Variants in DPYSL5 observed in about 807,000 individuals in gnomAD.
The protein encoded by DPYSL5 is dihydropyrimidinase-related protein 5.
Under a neutral mutation model 58.4 loss-of-function variants are expected in DPYSL5, and 9 were observed. The observed-to-expected ratio is 0.15, with a 90% CI of 0.09 to 0.27. DPYSL5 has a LOEUF of 0.27. Ranked by LOEUF, DPYSL5 falls within the 10% of genes least tolerant of loss-of-function variation. The pLI is 1.00. For synonymous variants in DPYSL5, 293 were observed against 301.9 expected (o/e 0.97, Z 0.31); for missense variants, 499 against 770.6 (o/e 0.65, Z 4.17).
At chr2:26,936,677 C>T (rs548528185) in intron 8 of DPYSL5, among the ~76,000 whole-genome samples, 44 of 152,108 alleles carry the variant, frequency 2.9e-4, no homozygotes, top group Non-Finnish European at 5.6e-4. Context: ...TTTGGCTGGG[C>T]ATGGTGGCTC....
In DPYSL5 at chr2:26,924,705, C is replaced by T. The variant is rs886685601; in HGVS notation, c.262-182C>T. 1.1e-4 allele frequency among the ~76,000 whole-genome samples: 16 copies of T among 152,108 alleles called. No individual in the cohort carries two copies. Among genetic ancestry groups the T allele is most frequent in the African/African-American group, 2.9e-4 (12 of 41,418 alleles). Reference sequence around the variant, plus strand: ...GGACCCGTGGTCATGATGAAGGTCGCGCTGGCTCTCGCACCTCCACATGGC... The same window carrying T: ...GGACCCGTGGTCATGATGAAGGTCGTGCTGGCTCTCGCACCTCCACATGGC... On this transcript the variant is annotated intron_variant, in intron 2 of 12. Coordinates refer to ENST00000288699, the MANE Select transcript of DPYSL5 (RefSeq NM_020134.4). This position sits in a 1 kb window ranked among gnomAD's most constrained non-coding sequence, Gnocchi z 4.7.
chr2:26,913,992 C>T (rs1664502041), intron 2 of DPYSL5, among the ~76,000 whole-genome samples: 1 of 149,266 alleles, frequency 6.7e-6, no homozygotes, highest in Non-Finnish European at 1.5e-5. Context: ...GATATATATA[C>T]TAACTTATCA....
intron 5 of DPYSL5, 70 bp from the exon 6 acceptor site, chr2:26,931,570 A>C: frequency 6.3e-6 from 10 of 1,588,230 alleles, no homozygotes; most frequent in African/African-American, 1.3e-5. Context: ...CATGAAGGGG[A>C]GAGTATGGTG....
intron 1 of DPYSL5, among the ~76,000 whole-genome samples, chr2:26,880,464 G>T (rs544947800): frequency 2.8e-4 from 43 of 152,296 alleles, no homozygotes; most frequent in Non-Finnish European, 5.1e-4. Context: ...CTGTGCCAGG[G>T]CACCCTGGGA....
intron 1 of DPYSL5, among the ~76,000 whole-genome samples, chr2:26,866,704 TAATAA>T (rs1446200294): frequency 1.3e-5 from 2 of 151,458 alleles, no homozygotes; most frequent in South Asian, 2.1e-4. Context: ...ATAAAAGTAA[TAATAA>T]AATAAACTTA....
chr2:26,886,206 G>T (rs1021260172), intron 1 of DPYSL5, among the ~76,000 whole-genome samples: 1 of 152,216 alleles, frequency 6.6e-6, no homozygotes, highest in South Asian at 2.1e-4. Context: ...AAGTAGTCAC[G>T]GAGTGGAAAC....
intron 12 of DPYSL5, among the ~76,000 whole-genome samples, chr2:26,946,245 C>T (rs1170954057): frequency 1.3e-5 from 2 of 152,158 alleles, no homozygotes; most frequent in African/African-American, 4.8e-5. Flanking sequence ...TGCCTGAGAG[C>T]CAAGACTGGG....
chr2:26,917,251 G>A (rs983568395), intron 2 of DPYSL5, among the ~76,000 whole-genome samples: 23 of 152,210 alleles, frequency 1.5e-4, no homozygotes, highest in Admixed American at 3.3e-4. Flanking sequence ...GTGGGACCAT[G>A]CCCTGGATGA....
rs1392680536 is a variant in DPYSL5 at position 26,924,250 on chromosome 2, C to G, written c.262-637C>G. The stretch of plus-strand genomic sequence containing the variant: ...ACACATGCATCTAAAAAATGCCTGT[C>G]TCAAACAAGATAGATGAAAATGAAG... On this transcript the variant is annotated intron_variant, in intron 2 of 12. Transcript: ENST00000288699. This position sits in a 1 kb window ranked among gnomAD's most constrained non-coding sequence, Gnocchi z 4.7. Among the ~76,000 whole-genome samples the G allele has an allele frequency of 6.6e-6, 1 of 152,090 alleles. No individual in the cohort carries two copies. The highest frequency in any genetic ancestry group is 2.4e-5 in the African/African-American group (1 of 41,398).
intron 2 of DPYSL5, among the ~76,000 whole-genome samples, chr2:26,922,170 C>T (rs530575915): frequency 6.6e-6 from 1 of 152,308 alleles, no homozygotes; most frequent in Non-Finnish European, 1.5e-5. Context: ...GCCTACAAAA[C>T]CCCGAATCTC....
chr2:26,927,908 C>G lies in DPYSL5; in HGVS notation c.601-347C>G, dbSNP rs1375208109. ...GGGCTAGCCTAGCAGTTGCTGGAAGCTAGAGCTTAGTCTCGATTTCCAGAG... is the reference window on the plus strand; with the variant it reads ...GGGCTAGCCTAGCAGTTGCTGGAAGGTAGAGCTTAGTCTCGATTTCCAGAG... On this transcript the variant is annotated intron_variant, in intron 4 of 12. Coordinates refer to ENST00000288699, the MANE Select transcript of DPYSL5 (RefSeq NM_020134.4). The surrounding 1 kb of genome is among the most constrained non-coding windows in gnomAD (Gnocchi z 4.3). Among the ~76,000 whole-genome samples the G allele has an allele frequency of 1.3e-5, 2 of 152,200 alleles. No homozygotes were observed. The highest frequency in any genetic ancestry group is 4.8e-5 in the African/African-American group (2 of 41,454).
At chr2:26,878,362 G>T (rs1269197034) in intron 1 of DPYSL5, among the ~76,000 whole-genome samples, 1 of 151,672 alleles carries the variant, frequency 6.6e-6, no homozygotes, top group Non-Finnish European at 1.5e-5. Context: ...TGTCTTTTAG[G>T]ATTTAGAAGC....
chr2:26,917,651 C>G (rs1048844153), intron 2 of DPYSL5, among the ~76,000 whole-genome samples: 8 of 152,120 alleles, frequency 5.3e-5, no homozygotes, highest in African/African-American at 1.4e-4. Flanking sequence ...ACCCCCCACC[C>G]ATGTGAATTA....
At position 26,932,077 on chromosome 2, in the gene DPYSL5, GAAAGAAAA is replaced by G. The variant is rs1288590787; in HGVS notation, c.714+394_714+401del. Among the ~76,000 whole-genome samples the G allele has an allele frequency of 2.2e-3, 128 of 58,294 alleles. 9 individuals carry two copies. The highest frequency in any genetic ancestry group is 0.013 in the East Asian group (28 of 2,112). 38.2% of individuals were successfully genotyped at this position (58,294 alleles called of 152,430 possible). ...AGAAAGAAAGAAAGAAAGAAAGAAA[GAAAGAAAA>G]GAAAAAAGAAAGAGAAAGAAAGAAA... On this transcript the variant is annotated intron_variant, in intron 6 of 12. Coordinates refer to ENST00000288699, the MANE Select transcript of DPYSL5 (RefSeq NM_020134.4).
intron 2 of DPYSL5, among the ~76,000 whole-genome samples, chr2:26,903,067 TTTTTTTTTTTTTTC>T (rs1664201091): frequency 7.5e-6 from 1 of 133,774 alleles, no homozygotes; most frequent in South Asian, 2.2e-4. Context: ...CTCTACTTTC[TTTTTTTTTTTTTTC>T]TTTTTTGAAA....
chr2:26,879,985 G>C (rs1280499186), intron 1 of DPYSL5, among the ~76,000 whole-genome samples: 1 of 152,008 alleles, frequency 6.6e-6, no homozygotes, highest in Non-Finnish European at 1.5e-5. Context: ...CGACCTCCCA[G>C]GCTCAAGTGA....
intron 1 of DPYSL5, among the ~76,000 whole-genome samples, chr2:26,868,783 A>G (rs894961339): frequency 6.6e-6 from 1 of 151,538 alleles, no homozygotes; most frequent in Middle Eastern, 3.2e-3. Flanking sequence ...AATTTTCTCA[A>G]CTCCTCTCAA....
At chr2:26,917,464 A>T (rs1345633391) in intron 2 of DPYSL5, among the ~76,000 whole-genome samples, 2 of 150,890 alleles carry the variant, frequency 1.3e-5, no homozygotes, top group East Asian at 3.9e-4. Context: ...AGAACAAATC[A>T]TGCATCTCTC....
intron 1 of DPYSL5, among the ~76,000 whole-genome samples, chr2:26,858,735 AT>A (rs761364725): frequency 0.019 from 2,005 of 104,672 alleles, 41 homozygotes; most frequent in African/African-American, 0.068. Context: ...ACACCCAGCT[AT>A]TTTTTTTTTT....
Sources: gnomAD v4.1 joint callset for allele counts (sites outside exome capture counted in the v4.1 genomes callset) on GRCh38, gnomAD v4.1.1 for gene constraint, Gnocchi (gnomAD v3.1) non-coding constraint, MANE v1.5 for transcripts, NCBI Gene and HGNC (gene_info 2026-07-23, HGNC 2026-07-21) for gene names.